The following NMD3 variants were observed in gnomAD, a reference collection of about 807,000 sequenced individuals.
NMD3 encodes the protein NMD3 ribosome export adaptor.
Under a neutral mutation model 73.1 loss-of-function variants are expected in NMD3, and 47 were observed. That is an observed-to-expected ratio of 0.64 (90% CI 0.51 to 0.82). The LOEUF (loss-of-function observed/expected upper bound fraction) is 0.82. Ranked by LOEUF, NMD3 falls within the 40% of genes least tolerant of loss-of-function variation. NMD3 has a pLI of 0.00. For synonymous variants in NMD3, 210 were observed against 194.5 expected, an observed-to-expected ratio of 1.08 and a Z score of -0.66; for missense variants, 554 against 612.5, an observed-to-expected ratio of 0.90 and a Z score of 1.01.
At chr3:161,238,943 T>G in intron 9 of NMD3, 117 bp downstream of exon 9, 1 of 547,588 alleles carries the variant, frequency 1.8e-6, no homozygotes, top group South Asian at 2.6e-5. Context: ...TTAGAATAAG[T>G]TCCTTAAGTG....
chr3:161,234,960 C>T (rs1293317716), intron 6 of NMD3, 105 bp downstream of exon 6: 3 of 1,182,410 alleles, frequency 2.5e-6, no homozygotes, highest in East Asian at 4.7e-5. Context: ...GTCCCTGAAG[C>T]ATTCACCTTT....
chr3:161,222,066 G>A lies in NMD3; in HGVS notation c.44+9G>A, dbSNP rs752317770. On this transcript the variant is annotated intron_variant, in intron 2 of 15. Transcript: ENST00000351193. ...CGCAGCCCTGGACACATGTGAGTGC[G>A]ACACTTCTTCCTTCCCCCTTAAATG... 2.2e-5 allele frequency: 35 copies of A among 1,598,112 alleles called. No individual in the cohort carries two copies. The highest frequency in any genetic ancestry group is 2.6e-5 in the Non-Finnish European group (31 of 1,170,168).
chr3:161,246,591 T>G, intron 12 of NMD3, 143 bp downstream of exon 12: 1 of 418,774 alleles, frequency 2.4e-6, no homozygotes, highest in Middle Eastern at 3.5e-4. Context: ...ATTTTATTGT[T>G]GATAACTAAA....
intron 11 of NMD3, among the ~76,000 whole-genome samples, chr3:161,245,546 ATT>A (rs1737165996): frequency 6.6e-6 from 1 of 150,512 alleles, no homozygotes; most frequent in Admixed American, 6.6e-5. Flanking sequence ...CATTTTTTTC[ATT>A]TCTTTTTCTT....
chr3:161,221,350 A>G lies in NMD3; in HGVS notation c.-80A>G, dbSNP rs764447542. ...CAGCCAGGTTGGCAGCTGACGGGAC[A>G]GCCGGGGTCTATTTTGTTGCGGGTT... On this transcript the variant is annotated 5_prime_UTR_variant, in exon 1 of 16. Transcript: ENST00000351193. The G allele has an allele frequency of 2.6e-5, 4 of 152,322 alleles. No homozygotes were observed. The highest frequency in any genetic ancestry group is 5.9e-5 in the Non-Finnish European group (4 of 68,116). 9.4% of individuals were successfully genotyped at this position (152,322 alleles called of 1,614,324 possible).
At chr3:161,234,381 C>G (rs1182929796) in intron 5 of NMD3, among the ~76,000 whole-genome samples, 1 of 151,182 alleles carries the variant, frequency 6.6e-6, no homozygotes, top group Admixed American at 6.6e-5. Flanking sequence ...GAACCAAGAT[C>G]GTGCCACTGT....
intron 9 of NMD3, among the ~76,000 whole-genome samples, chr3:161,239,084 G>A (rs1409959701): frequency 3.9e-5 from 6 of 152,040 alleles, no homozygotes; most frequent in African/African-American, 9.7e-5. Context: ...ATAAAAGTCC[G>A]TATTCTTTGA....
downstream of NMD3, among the ~76,000 whole-genome samples, chr3:161,252,522 C>T (rs528625688): frequency 4.6e-5 from 7 of 152,008 alleles, no homozygotes; most frequent in South Asian, 2.1e-4. Context: ...GACAGGCAAA[C>T]GAATGTAGCT....
At chr3:161,240,838 T>A (rs892232382) in intron 9 of NMD3, among the ~76,000 whole-genome samples, 1 of 68,968 alleles carries the variant, frequency 1.4e-5, no homozygotes, top group African/African-American at 4.6e-5. Flanking sequence ...TCAGCCAGGA[T>A]TTTTTTTTTT....
rs1737472306 is a variant in NMD3 at position 161,251,159 on chromosome 3, T to A, written c.*249T>A. 6.6e-6 allele frequency: 2 copies of A among 304,058 alleles called. No homozygotes were observed. Among genetic ancestry groups the A allele is most frequent in the Non-Finnish European group, 1.2e-5 (2 of 163,182 alleles). 18.8% of individuals were successfully genotyped at this position (304,058 alleles called of 1,614,324 possible). On this transcript the variant is annotated 3_prime_UTR_variant, in exon 16 of 16. Coordinates refer to ENST00000351193, the MANE Select transcript of NMD3 (RefSeq NM_015938.5). Reference sequence around the variant, plus strand: ...TGGCAATTTTACATTTGGAATTTTATCACTGTGCTTTTTTATATGAGGCAC... The same window carrying A: ...TGGCAATTTTACATTTGGAATTTTAACACTGTGCTTTTTTATATGAGGCAC...
At chr3:161,236,397 A>G (rs1243512165) in intron 7 of NMD3, among the ~76,000 whole-genome samples, 2 of 152,084 alleles carry the variant, frequency 1.3e-5, no homozygotes, top group African/African-American at 4.8e-5. Flanking sequence ...ATGAAGTGGT[A>G]TCTCATTGTG....
intron 4 of NMD3, among the ~76,000 whole-genome samples, chr3:161,232,628 A>G (rs1026801466): frequency 1.3e-5 from 2 of 152,124 alleles, no homozygotes; most frequent in Non-Finnish European, 2.9e-5. Context: ...TCTTTTCCAT[A>G]TCCAGTTACC....
chr3:161,243,999 T>C (rs1737094299), intron 11 of NMD3, among the ~76,000 whole-genome samples: 1 of 152,196 alleles, frequency 6.6e-6, no homozygotes, highest in Admixed American at 6.5e-5. Flanking sequence ...AATTAATTAT[T>C]TTATTCAGGG....
intron 7 of NMD3, among the ~76,000 whole-genome samples, chr3:161,235,728 C>T: frequency 6.6e-6 from 1 of 152,206 alleles, no homozygotes; most frequent in Admixed American, 6.5e-5. Flanking sequence ...TGATATTCAC[C>T]TCTCAGGTAT....
chr3:161,244,931 T>C (rs927623684), intron 11 of NMD3, among the ~76,000 whole-genome samples: 1 of 152,126 alleles, frequency 6.6e-6, no homozygotes, highest in Non-Finnish European at 1.5e-5. Context: ...ATTTATTCAA[T>C]GGGAGCCCCT....
At chr3:161,247,567 A>G (rs1338192793) in intron 13 of NMD3, among the ~76,000 whole-genome samples, 1 of 151,286 alleles carries the variant, frequency 6.6e-6, no homozygotes, top group African/African-American at 2.4e-5. Flanking sequence ...CAGGTGGATC[A>G]CCTGAGGTTG....
chr3:161,233,310 G>A, intron 4 of NMD3, 89 bp from the exon 5 acceptor site: 1 of 814,290 alleles, frequency 1.2e-6, no homozygotes, highest in Admixed American at 2.3e-5. Context: ...AGCATCTTAT[G>A]AAATCTGCTT....
At chr3:161,244,408 C>T (rs1385751484) in intron 11 of NMD3, among the ~76,000 whole-genome samples, 1 of 152,160 alleles carries the variant, frequency 6.6e-6, no homozygotes, top group African/African-American at 2.4e-5. Context: ...GGATTACAGG[C>T]GTGAGCCACC....
At chr3:161,252,668 A>T, downstream of NMD3, 1 of 522,056 alleles carries the variant, frequency 1.9e-6, no homozygotes, top group African/African-American at 2.0e-5. Context: ...CAAAGTTGTT[A>T]TGGCTTGGGA....
Sources: gnomAD v4.1 joint callset for allele counts (sites outside exome capture counted in the v4.1 genomes callset) on GRCh38, gnomAD v4.1.1 for gene constraint, MANE v1.5 for transcripts, NCBI Gene and HGNC (gene_info 2026-07-23, HGNC 2026-07-21) for gene names.